The following CRB1 variants were observed in gnomAD, a reference collection of about 807,000 sequenced individuals.
The protein encoded by CRB1 is protein crumbs homolog 1.
A neutral mutation model predicts 120.0 loss-of-function variants in CRB1; 83 were observed. The observed-to-expected ratio is 0.69, with a 90% confidence interval of 0.58 to 0.83. The LOEUF (loss-of-function observed/expected upper bound fraction) is 0.83. CRB1 is among the 40% of genes least tolerant of loss of function. CRB1 has a pLI of 0.00. For synonymous variants in CRB1, 625 were observed against 612.5 expected, an observed-to-expected ratio of 1.02 and a Z score of -0.30; for missense variants, 1,699 against 1,687.6, an observed-to-expected ratio of 1.01 and a Z score of -0.12.
At chr1:197,202,009 A>G in the CRB1 span, among the ~76,000 whole-genome samples, 1 of 152,218 alleles carries the variant, frequency 6.6e-6, no homozygotes, top group Admixed American at 6.5e-5. Context: ...TCTGAGTCCC[A>G]GGAGGTGCTG....
chr1:197,347,468 A>T lies in CRB1; in HGVS notation c.977A>T (p.His326Leu), dbSNP rs2125333455. Residue 326 changes from histidine (H) to leucine (L), a missense_variant, in exon 4 of 12, where the codon CAC becomes CTC. By Grantham distance (99) the His-to-Leu change is moderately conservative (BLOSUM62 -3). Coordinates refer to ENST00000367400, the MANE Select transcript of CRB1 (RefSeq NM_201253.3). The stretch of plus-strand genomic sequence containing the variant: ...GACAGTGTTGACAATTACACTTGTC[A>T]CTGCTGGCCTGGTGAGTGACAAAAT... ...CEDSVDNYTC[H>L]CWPGYTGAQC... The T allele has an allele frequency of 1.2e-6, 2 of 1,614,210 alleles. No individual in the cohort carries two copies. The highest frequency in any genetic ancestry group is 1.7e-6 in the Non-Finnish European group (2 of 1,180,018).
chr1:197,434,744 A>G lies in CRB1; in HGVS notation c.2881A>G (p.Ile961Val). ...TGTTTTTAATGGACAAAGCGGTCAA[A>G]TATTATTCAGAAGCAATGGGAATAT... ...NAVFNGQSGQILFRSNGNITR... is the reference protein window; with the variant it reads ...NAVFNGQSGQVLFRSNGNITR... The change falls in exon 9 of 12, where the codon ATA becomes GTA. Residue 961 changes from isoleucine (I) to valine (V), a missense_variant. Coordinates refer to ENST00000367400, the MANE Select transcript of CRB1 (RefSeq NM_201253.3). The G allele has an allele frequency of 1.2e-6, 2 of 1,613,668 alleles. No homozygotes were observed. The highest frequency in any genetic ancestry group is 1.7e-6 in the Non-Finnish European group (2 of 1,179,684).
chr1:197,246,316 C>T, the CRB1 span, among the ~76,000 whole-genome samples: 1 of 151,904 alleles, frequency 6.6e-6, no homozygotes, highest in African/African-American at 2.4e-5. Flanking sequence ...ACTAGGTTGC[C>T]CCTTTCCTGG....
intron 1 of CRB1, among the ~76,000 whole-genome samples, chr1:197,299,432 A>G (rs1656736679): frequency 6.6e-6 from 1 of 152,176 alleles, no homozygotes; most frequent in Admixed American, 6.6e-5. Context: ...AGCTCTGGAA[A>G]GCAATTTGAA....
the CRB1 span, among the ~76,000 whole-genome samples, chr1:197,239,295 T>C: frequency 2.0e-5 from 3 of 152,284 alleles, no homozygotes; most frequent in East Asian, 5.8e-4. Flanking sequence ...TTGTATCAAA[T>C]TTTGATATTA....
At chr1:197,312,181 C>A (rs1657571001) in intron 1 of CRB1, among the ~76,000 whole-genome samples, 1 of 152,124 alleles carries the variant, frequency 6.6e-6, no homozygotes, top group Non-Finnish European at 1.5e-5. Context: ...GGAAAGATAA[C>A]TACATAGTAA....
chr1:197,255,695 C>T, the CRB1 span, among the ~76,000 whole-genome samples: 1 of 151,868 alleles, frequency 6.6e-6, no homozygotes, highest in East Asian at 1.9e-4. Flanking sequence ...TTAACACATA[C>T]TCCATTTTCA....
At chr1:197,229,554 C>T in the CRB1 span, among the ~76,000 whole-genome samples, 1,367 of 152,172 alleles carry the variant, frequency 9.0e-3, 19 homozygotes, top group African/African-American at 0.032. Flanking sequence ...ATCCCGTCAC[C>T]CAGGTAGTGA....
At position 197,477,654 on chromosome 1, in the gene CRB1, A is replaced by C; in HGVS notation, c.4006-10A>C. The C allele has an allele frequency of 6.2e-7, 1 of 1,612,934 alleles. No individual in the cohort carries two copies. The highest frequency in any genetic ancestry group is 8.5e-7 in the Non-Finnish European group (1 of 1,179,072). On this transcript the variant is annotated splice_polypyrimidine_tract_variant and intron_variant, in intron 11 of 11. Coordinates refer to ENST00000367400, the MANE Select transcript of CRB1 (RefSeq NM_201253.3). ...TAGAATTCGCATCCCAATGATTTCA[A>C]TCTTTCCAGTTGGCAGATGACTTGA...
At chr1:197,420,894 C>T in intron 5 of CRB1, 106 bp from the exon 6 acceptor site, 2 of 807,168 alleles carry the variant, frequency 2.5e-6, no homozygotes, top group Non-Finnish European at 4.3e-6. Context: ...CAGTCCTAAA[C>T]CTGAGCTATT....
At chr1:197,325,488 A>G (rs1365366592) in intron 1 of CRB1, among the ~76,000 whole-genome samples, 1 of 152,164 alleles carries the variant, frequency 6.6e-6, no homozygotes, top group African/African-American at 2.4e-5. Context: ...CAATTCCTCT[A>G]TTCTACTCTG....
intron 8 of CRB1, among the ~76,000 whole-genome samples, chr1:197,430,772 A>AG (rs1228231246): frequency 1.3e-5 from 2 of 152,204 alleles, no homozygotes; most frequent in African/African-American, 4.8e-5. Context: ...AAGCTTCACA[A>AG]GGCAAGAAAC....
intron 5 of CRB1, among the ~76,000 whole-genome samples, chr1:197,415,499 C>T (rs567553735): frequency 1.3e-5 from 2 of 152,180 alleles, no homozygotes; most frequent in Non-Finnish European, 2.9e-5. Flanking sequence ...GTAAATTGTA[C>T]ATGCCAACCA....
chr1:197,429,230 C>A, intron 7 of CRB1: 1 of 1,439,094 alleles, frequency 6.9e-7, no homozygotes, highest in Non-Finnish European at 9.3e-7. Flanking sequence ...AATTTTATAT[C>A]TTTTCTCTCT....
upstream of CRB1, among the ~76,000 whole-genome samples, chr1:197,263,716 C>G (rs1654566789): frequency 6.6e-6 from 1 of 151,856 alleles, no homozygotes; most frequent in African/African-American, 2.4e-5. Context: ...ATAGAACTTT[C>G]TATTTTCCGT....
chr1:197,405,305 T>C (rs1663296016), intron 5 of CRB1, among the ~76,000 whole-genome samples: 2 of 152,170 alleles, frequency 1.3e-5, no homozygotes, highest in African/African-American at 4.8e-5. Context: ...CTCCAGCTCC[T>C]AACCGCGAGT....
chr1:197,431,800 G>C (rs1664880740), intron 8 of CRB1, among the ~76,000 whole-genome samples: 1 of 152,168 alleles, frequency 6.6e-6, no homozygotes, highest in East Asian at 1.9e-4. Flanking sequence ...TCTTAGTGTA[G>C]AGAGAAAACG....
chr1:197,340,213 C>T (rs954918062), intron 2 of CRB1, among the ~76,000 whole-genome samples: 4 of 152,128 alleles, frequency 2.6e-5, no homozygotes, highest in African/African-American at 9.6e-5. Context: ...GATACACAAA[C>T]TGGATATTTG....
intron 1 of CRB1, among the ~76,000 whole-genome samples, chr1:197,278,149 C>T (rs1026613863): frequency 4.6e-5 from 7 of 151,770 alleles, no homozygotes; most frequent in South Asian, 4.1e-4. Flanking sequence ...TCCAAAGTGG[C>T]GGTTTTAGGG....
Sources: gnomAD v4.1 joint callset for allele counts (sites outside exome capture counted in the v4.1 genomes callset) on GRCh38, gnomAD v4.1.1 for gene constraint, MANE v1.5 for transcripts, NCBI Gene and HGNC (gene_info 2026-07-23, HGNC 2026-07-21) for gene names.